The following HPSE2 variants were observed in gnomAD, a reference collection of about 807,000 sequenced individuals.
The protein encoded by HPSE2 is inactive heparanase-2.
A neutral mutation model predicts 60.5 loss-of-function variants in HPSE2; 38 were observed. The ratio of observed to expected loss-of-function variants is 0.63; its 90% CI spans 0.48 to 0.82. The LOEUF is 0.82. Among genes scored for constraint, HPSE2 ranks in the 40% least tolerant of loss-of-function variants. The probability of loss-of-function intolerance (pLI) is 0.00; values close to 1 mark genes in which losing one functional copy is unlikely to be tolerated. For missense variants in HPSE2, 713 were observed against 740.4 expected, an observed-to-expected ratio of 0.96 and a Z score of 0.43; for synonymous variants, 295 against 293.2, an observed-to-expected ratio of 1.01 and a Z score of -0.06.
At chr10:99,091,467 A>G (rs1843510388) in intron 3 of HPSE2, among the ~76,000 whole-genome samples, 1 of 152,174 alleles carries the variant, frequency 6.6e-6, no homozygotes, top group Non-Finnish European at 1.5e-5. Flanking sequence ...ATTCACTGCT[A>G]CATCAATCTA....
chr10:99,107,678 C>G (rs889932124), intron 3 of HPSE2, among the ~76,000 whole-genome samples: 3 of 151,710 alleles, frequency 2.0e-5, no homozygotes, highest in Admixed American at 6.5e-5. Flanking sequence ...CCTATATACA[C>G]ATTTAATTTT....
chr10:99,271,026 A>G, the HPSE2 span, among the ~76,000 whole-genome samples: 2 of 152,206 alleles, frequency 1.3e-5, no homozygotes, highest in African/African-American at 2.4e-5. Flanking sequence ...CACAACCAAC[A>G]TAATACCGAA....
intron 7 of HPSE2, among the ~76,000 whole-genome samples, chr10:98,621,053 G>A (rs961537309): frequency 8.6e-5 from 13 of 151,938 alleles, no homozygotes; most frequent in Admixed American, 6.6e-4. Context: ...CAAGCATTGA[G>A]AAACAATGCT....
At chr10:99,015,257 T>C (rs1402776888) in intron 3 of HPSE2, among the ~76,000 whole-genome samples, 1 of 152,264 alleles carries the variant, frequency 6.6e-6, no homozygotes, top group Admixed American at 6.5e-5. Flanking sequence ...GAAGTCAGTG[T>C]GGCGATTCCT....
At chr10:98,687,647 T>C (rs1265747254) in intron 6 of HPSE2, among the ~76,000 whole-genome samples, 2 of 152,162 alleles carry the variant, frequency 1.3e-5, no homozygotes, top group African/African-American at 4.8e-5. Flanking sequence ...CACAGGACAA[T>C]ACATTTACGA....
chr10:99,244,229 G>T, the HPSE2 span, among the ~76,000 whole-genome samples: 3 of 151,802 alleles, frequency 2.0e-5, no homozygotes, highest in Non-Finnish European at 4.4e-5. Flanking sequence ...ATGTTAGCCA[G>T]GATGGTCTCA....
intron 9 of HPSE2, among the ~76,000 whole-genome samples, chr10:98,503,137 G>A (rs1009967884): frequency 8.6e-5 from 13 of 151,486 alleles, no homozygotes; most frequent in Admixed American, 2.6e-4. Flanking sequence ...GCTGGAACCC[G>A]GGAGGTGGAG....
chr10:98,586,679 C>T (rs962278306), intron 9 of HPSE2, among the ~76,000 whole-genome samples: 1 of 152,186 alleles, frequency 6.6e-6, no homozygotes, highest in Non-Finnish European at 1.5e-5. Flanking sequence ...GAGTTGAGGA[C>T]ATACTCCAAC....
intron 3 of HPSE2, among the ~76,000 whole-genome samples, chr10:99,121,799 G>T (rs1469383220): frequency 6.6e-6 from 1 of 151,970 alleles, no homozygotes; most frequent in Non-Finnish European, 1.5e-5. Flanking sequence ...ACACTTCTAG[G>T]AATTGTGCAA....
rs1845173299 is a variant in HPSE2, at chr10:99,126,592, G to A, written c.610+17646C>T. ...AATAACCCTGCTCCCCCAAGAATAAGGAAACAACAGGTAATTCTACTGCCT... is the reference window on the plus strand; with the variant it reads ...AATAACCCTGCTCCCCCAAGAATAAAGAAACAACAGGTAATTCTACTGCCT... On this transcript the variant is annotated intron_variant, in intron 3 of 11. Transcript: ENST00000370552. This position sits in a 1 kb window ranked among gnomAD's most constrained non-coding sequence, Gnocchi z 4.0. 6.6e-6 allele frequency among the ~76,000 whole-genome samples: 1 copy of A among 152,034 alleles called. No individual in the cohort carries two copies. Among genetic ancestry groups the A allele is most frequent in the Non-Finnish European group, 1.5e-5 (1 of 68,026 alleles).
intron 3 of HPSE2, among the ~76,000 whole-genome samples, chr10:99,050,952 C>CGTGT (rs147438459): frequency 0.015 from 2,181 of 149,492 alleles, 47 homozygotes; most frequent in African/African-American, 0.049. Context: ...TTGATTCAAT[C>CGTGT]GTGTGTGTGT....
intron 11 of HPSE2, among the ~76,000 whole-genome samples, chr10:98,468,991 AT>A (rs1564900044): frequency 6.6e-6 from 1 of 152,158 alleles, no homozygotes; most frequent in Non-Finnish European, 1.5e-5. Flanking sequence ...ACCAGAGAAA[AT>A]ACCAGGACCC....
At chr10:99,153,222 T>G (rs1322288648) in intron 2 of HPSE2, among the ~76,000 whole-genome samples, 1 of 151,958 alleles carries the variant, frequency 6.6e-6, no homozygotes. Context: ...CAAAGCAGCC[T>G]GGAAGCTCGA....
chr10:99,289,112 T>G, the HPSE2 span, among the ~76,000 whole-genome samples: 6 of 152,136 alleles, frequency 3.9e-5, no homozygotes, highest in Non-Finnish European at 7.4e-5. Context: ...ACTTGGGTCA[T>G]AGGAGAGGCA....
intron 2 of HPSE2, among the ~76,000 whole-genome samples, chr10:99,151,925 T>C (rs1245304342): frequency 1.3e-5 from 2 of 151,164 alleles, no homozygotes; most frequent in Non-Finnish European, 2.9e-5. Flanking sequence ...CATAAATAAA[T>C]AGCGCTAAAA....
intron 3 of HPSE2, among the ~76,000 whole-genome samples, chr10:98,844,139 C>A (rs74765101): frequency 0.02 from 3,101 of 152,242 alleles, 55 homozygotes; most frequent in Non-Finnish European, 0.029. Flanking sequence ...AGTTTCCTCA[C>A]CAGCAAACTG....
At chr10:98,645,894 G>A (rs970279030) in intron 6 of HPSE2, among the ~76,000 whole-genome samples, 3 of 152,166 alleles carry the variant, frequency 2.0e-5, no homozygotes, top group African/African-American at 7.2e-5. Context: ...AGAATGGCGT[G>A]AACCCGGGAG....
chr10:99,120,620 T>C (rs1844912863), intron 3 of HPSE2, among the ~76,000 whole-genome samples: 1 of 152,066 alleles, frequency 6.6e-6, no homozygotes, highest in South Asian at 2.1e-4. Context: ...ATTACAGGCA[T>C]GTGCCACCAC....
At chr10:99,178,915 T>C (rs903722202) in intron 2 of HPSE2, among the ~76,000 whole-genome samples, 14 of 152,286 alleles carry the variant, frequency 9.2e-5, no homozygotes, top group Non-Finnish European at 1.8e-4. Context: ...CAAAAACTTA[T>C]CCACCACGAT....
Sources: gnomAD v4.1 joint callset for allele counts (sites outside exome capture counted in the v4.1 genomes callset) on GRCh38, gnomAD v4.1.1 for gene constraint, Gnocchi (gnomAD v3.1) non-coding constraint, MANE v1.5 for transcripts, NCBI Gene and HGNC (gene_info 2026-07-23, HGNC 2026-07-21) for gene names.